Variants in DNAI7 observed in about 807,000 individuals in gnomAD.
The protein encoded by DNAI7 is dynein axonemal intermediate chain 7.
A neutral mutation model predicts 86.6 loss-of-function variants in DNAI7; 78 were observed. The observed-to-expected ratio is 0.90, with a 90% CI of 0.75 to 1.09. The LOEUF is 1.09. Ranked by LOEUF, DNAI7 falls within the 50% of genes least tolerant of loss-of-function variation. DNAI7 has a pLI of 0.00. For missense variants in DNAI7, 753 were observed against 810.2 expected (o/e 0.93, Z 0.86); for synonymous variants, 274 against 273.0 (o/e 1.00, Z -0.04).
chr12:25,174,845 G>C (rs1948780739), intron 2 of DNAI7, among the ~76,000 whole-genome samples: 1 of 151,006 alleles, frequency 6.6e-6, no homozygotes, highest in Non-Finnish European at 1.5e-5. Flanking sequence ...ATTATTCTAA[G>C]TGATGTAACT....
chr12:25,119,540 C>T (rs146931554), intron 11 of DNAI7, among the ~76,000 whole-genome samples: 44 of 152,248 alleles, frequency 2.9e-4, no homozygotes, highest in African/African-American at 1.0e-3. Context: ...GCTTCCTCAA[C>T]ATTTTATTCC....
rs918521528 is a variant in DNAI7 at position 25,195,145 on chromosome 12, G to A, written c.-67C>T. 4.5e-6 allele frequency: 7 copies of A among 1,553,426 alleles called. No homozygotes were observed. The highest frequency in any genetic ancestry group is 3.3e-5 in the Admixed American group (2 of 59,928). On this transcript the variant is annotated 5_prime_UTR_variant, in exon 1 of 16. Transcript: ENST00000395987. The stretch of plus-strand genomic sequence containing the variant: ...AGAAATTGTGTGGACAAACGCTCCC[G>A]GGTTGCCCGGACGACAGGCCCCGCC...
At chr12:25,178,381 A>AT (rs1267499999) in intron 2 of DNAI7, among the ~76,000 whole-genome samples, 2 of 152,164 alleles carry the variant, frequency 1.3e-5, no homozygotes, top group Non-Finnish European at 2.9e-5. Context: ...ATATATTGGC[A>AT]TAAAAAGTTG....
At chr12:25,174,714 AAT>A (rs1948760705) in intron 2 of DNAI7, among the ~76,000 whole-genome samples, 1 of 101,752 alleles carries the variant, frequency 9.8e-6, no homozygotes, top group Non-Finnish European at 2.0e-5. Context: ...ATACATATGG[AAT>A]ATATATATCA....
At chr12:25,187,421 T>C (rs1197935427) in intron 2 of DNAI7, among the ~76,000 whole-genome samples, 1 of 152,200 alleles carries the variant, frequency 6.6e-6, no homozygotes, top group African/African-American at 2.4e-5. Flanking sequence ...TCTTAGTTTC[T>C]ATGTATTAAA....
At chr12:25,143,245 AATT>A (rs1219428152) in intron 9 of DNAI7, among the ~76,000 whole-genome samples, 2 of 97,976 alleles carry the variant, frequency 2.0e-5, no homozygotes, top group Admixed American at 1.5e-4. Context: ...GAGTCTTCAT[AATT>A]TTTTTTTTTT....
Position 25,119,802 on chromosome 12 carries a change from T to C in DNAI7, c.1240-501A>G, listed in dbSNP as rs1343918036. ...AAAGTGAATTAACCAGACAGCAGAT[T>C]TTTCTGGGATAAGGAAGATTTGTGC... On this transcript the variant is annotated intron_variant, in intron 11 of 15. Coordinates refer to ENST00000395987, the MANE Select transcript of DNAI7 (RefSeq NM_018272.5). Among the ~76,000 whole-genome samples, 3 of 152,240 alleles carry C rather than the reference T, an allele frequency of 2.0e-5. No individual in the cohort carries two copies. In the East Asian group the frequency reaches 5.8e-4, roughly 29 times the overall value.
At chr12:25,159,260 A>G (rs60110571) in intron 3 of DNAI7, among the ~76,000 whole-genome samples, 11,608 of 152,170 alleles carry the variant, frequency 0.076, 472 homozygotes, top group South Asian at 0.13. Context: ...TTATTCCCCT[A>G]CTTAATTTGA....
intron 9 of DNAI7, among the ~76,000 whole-genome samples, chr12:25,125,361 T>C (rs557155942): frequency 1.3e-5 from 2 of 152,334 alleles, no homozygotes; most frequent in Admixed American, 6.5e-5. Flanking sequence ...TACATTTCTC[T>C]AATGATCAGC....
chr12:25,136,966 A>T (rs1017112519), intron 9 of DNAI7, among the ~76,000 whole-genome samples: 2 of 152,220 alleles, frequency 1.3e-5, no homozygotes, highest in Non-Finnish European at 2.9e-5. Flanking sequence ...AAGAAGAGAA[A>T]TCTAAAAGCT....
chr12:25,124,001 C>T (rs1941703694), intron 9 of DNAI7, among the ~76,000 whole-genome samples: 1 of 144,746 alleles, frequency 6.9e-6, no homozygotes, highest in Admixed American at 7.0e-5. Flanking sequence ...ATGTAAAGCA[C>T]TAGATAAATG....
chr12:25,120,903 T>C (rs139416051), intron 11 of DNAI7, among the ~76,000 whole-genome samples: 4 of 152,272 alleles, frequency 2.6e-5, no homozygotes, highest in Admixed American at 6.5e-5. Flanking sequence ...CAAACTTCAA[T>C]ATGCATAGGA....
chr12:25,118,578 G>A (rs975412976), intron 12 of DNAI7, among the ~76,000 whole-genome samples: 1 of 150,718 alleles, frequency 6.6e-6, no homozygotes, highest in Non-Finnish European at 1.5e-5. Flanking sequence ...GTTTTTTTGA[G>A]ACAGACAGAG....
chr12:25,124,024 T>C (rs1312411006), intron 9 of DNAI7, among the ~76,000 whole-genome samples: 3 of 70,878 alleles, frequency 4.2e-5, no homozygotes, highest in East Asian at 2.4e-3. Context: ...GTGTTGCTAG[T>C]ATAAAAATTG....
rs1949413880 is a variant in DNAI7, at chr12:25,108,495, G to GTCTT, written c.*49_*52dup. 1.4e-6 allele frequency: 2 copies of GTCTT among 1,475,482 alleles called. No individual in the cohort carries two copies. The highest frequency in any genetic ancestry group is 1.3e-5 in the South Asian group (1 of 77,406). The allele number at this position is 1,475,482 out of a possible 1,614,324, so 91.4% of individuals were successfully genotyped here. On this transcript the variant is annotated 3_prime_UTR_variant, in exon 16 of 16. Coordinates refer to ENST00000395987, the MANE Select transcript of DNAI7 (RefSeq NM_018272.5). ...ATTACATTGTGTTGCAGAAATACCT[G>GTCTT]TCTTTCACCATGCTTGGTTCTTCAT...
chr12:25,120,315 AGG>A (rs1555156523), intron 11 of DNAI7, among the ~76,000 whole-genome samples: 1 of 124,188 alleles, frequency 8.1e-6, no homozygotes, highest in Admixed American at 8.1e-5. Context: ...AGGCAGGAAG[AGG>A]GAGAGAGAGA....
intron 4 of DNAI7, among the ~76,000 whole-genome samples, chr12:25,158,058 T>A (rs143841148): frequency 0.012 from 1,797 of 152,064 alleles, 27 homozygotes; most frequent in South Asian, 0.058. Context: ...TGAAACCCTA[T>A]CTCTACTAAA....
chr12:25,155,198 A>G (rs1340976179), intron 5 of DNAI7, 113 bp downstream of exon 5: 2 of 541,098 alleles, frequency 3.7e-6, no homozygotes, highest in Non-Finnish European at 6.6e-6. Flanking sequence ...TTGTCAGATG[A>G]GAGGGTTTTT....
intron 3 of DNAI7, 126 bp downstream of exon 3, chr12:25,160,987 C>T (rs1176528127): frequency 3.2e-6 from 2 of 633,956 alleles, no homozygotes; most frequent in Non-Finnish European, 5.5e-6. Flanking sequence ...AAGATAGATA[C>T]CTATTATAAA....
Sources: gnomAD v4.1 joint callset for allele counts (sites outside exome capture counted in the v4.1 genomes callset) on GRCh38, gnomAD v4.1.1 for gene constraint, MANE v1.5 for transcripts, NCBI Gene and HGNC (gene_info 2026-07-23, HGNC 2026-07-21) for gene names.